The following TBXAS1 variants were observed in gnomAD, a reference collection of about 807,000 sequenced individuals.
The protein encoded by TBXAS1 is thromboxane A synthase 1.
TBXAS1 carries 48 observed loss-of-function variants against 60.7 expected under a neutral mutation model. The ratio of observed to expected loss-of-function variants is 0.79; its 90% confidence interval spans 0.63 to 1.01. The LOEUF is 1.01. Ranked by LOEUF, TBXAS1 falls within the 50% of genes least tolerant of loss-of-function variation. The pLI is 0.00. For synonymous variants in TBXAS1, 287 were observed against 269.7 expected, an observed-to-expected ratio of 1.06 and a Z score of -0.63; for missense variants, 685 against 686.3, an observed-to-expected ratio of 1.00 and a Z score of 0.02.
At chr7:140,010,988 A>AG (rs1020721939) in intron 10 of TBXAS1, among the ~76,000 whole-genome samples, 1 of 151,866 alleles carries the variant, frequency 6.6e-6, no homozygotes, top group Admixed American at 6.6e-5. Flanking sequence ...AAAAAAAAAA[A>AG]CAGTCCCGGC....
intron 5 of TBXAS1, among the ~76,000 whole-genome samples, chr7:139,948,216 T>C (rs1002342609): frequency 6.6e-6 from 1 of 152,144 alleles, no homozygotes; most frequent in Non-Finnish European, 1.5e-5. Flanking sequence ...CGTTGTTGGT[T>C]TCCAGGGAGG....
rs566944360 is a variant in TBXAS1, at chr7:139,779,600, C to T, written c.-318+1129C>T. Among the ~76,000 whole-genome samples, 5 of 152,226 alleles carry T rather than the reference C, an allele frequency of 3.3e-5. No homozygotes were observed. The South Asian group carries it at 1.0e-3, about 32-fold the overall frequency. Reference sequence around the variant, plus strand: ...CACTCTAGTGTTTTTTGCTCCACACCGGTCATTTATCTCCTTCCCTTCTAT... The same window carrying T: ...CACTCTAGTGTTTTTTGCTCCACACTGGTCATTTATCTCCTTCCCTTCTAT... On this transcript the variant is annotated intron_variant, in intron 1 of 16. Transcript: ENST00000336425.
intron 3 of TBXAS1, among the ~76,000 whole-genome samples, chr7:139,784,239 TCTTC>T (rs779302310): frequency 1.7e-3 from 251 of 147,318 alleles, no homozygotes; most frequent in South Asian, 8.5e-3. Context: ...TCTCTCTCTC[TCTTC>T]CTTCCTTCCT....
intron 9 of TBXAS1, among the ~76,000 whole-genome samples, chr7:139,981,466 T>C (rs1360224229): frequency 1.3e-5 from 2 of 152,208 alleles, no homozygotes; most frequent in Non-Finnish European, 2.9e-5. Context: ...AGCTGTGCTG[T>C]GGAAAAGTGA....
At chr7:139,779,433 A>T (rs1796905964) in intron 1 of TBXAS1, among the ~76,000 whole-genome samples, 1 of 152,164 alleles carries the variant, frequency 6.6e-6, no homozygotes, top group African/African-American at 2.4e-5. Context: ...GCAGAATCCT[A>T]GACTACTGTT....
At chr7:139,787,350 G>T (rs1797231885) in exon 4 of TBXAS1, 1 of 152,294 alleles carries the variant, frequency 6.6e-6, no homozygotes, top group East Asian at 1.9e-4. Context: ...GACATATACT[G>T]CCTGGACTGC....
At chr7:139,817,531 A>T (rs1798182430) in intron 4 of TBXAS1, among the ~76,000 whole-genome samples, 1 of 152,214 alleles carries the variant, frequency 6.6e-6, no homozygotes, top group Non-Finnish European at 1.5e-5. Flanking sequence ...ATAAGCAAGT[A>T]AAATTAGAGC....
rs533383226 is a variant in TBXAS1, at chr7:139,972,552, C to CT, written c.1134+10328dup. Among the ~76,000 whole-genome samples, 542 of 151,476 alleles carry CT rather than the reference C, an allele frequency of 3.6e-3. 3 individuals carry two copies. Among genetic ancestry groups the CT allele is most frequent in the African/African-American group, 0.012 (507 of 41,304 alleles). ...CTCTTGAAATAAAAGAATAAACATACTTTTTTTTTAACTTCCCCAGACTCT... is the reference window on the plus strand; with the variant it reads ...CTCTTGAAATAAAAGAATAAACATACTTTTTTTTTTAACTTCCCCAGACTCT... On this transcript the variant is annotated intron_variant, in intron 9 of 12. Transcript: ENST00000448866.
chr7:139,977,424 T>C (rs560863792), intron 9 of TBXAS1, among the ~76,000 whole-genome samples: 1 of 152,270 alleles, frequency 6.6e-6, no homozygotes, highest in East Asian at 1.9e-4. Flanking sequence ...CTCGCCCCCA[T>C]GATTCAATTA....
intron 1 of TBXAS1, among the ~76,000 whole-genome samples, chr7:139,846,417 C>T (rs561990284): frequency 1.6e-4 from 25 of 152,092 alleles, no homozygotes; most frequent in African/African-American, 3.6e-4. Context: ...AATAGGGATA[C>T]TAATAGTACC....
intron 7 of TBXAS1, among the ~76,000 whole-genome samples, chr7:139,956,389 G>A (rs6958975): frequency 0.85 from 128,936 of 152,156 alleles, 54,801 homozygotes; most frequent in Middle Eastern, 0.89. Context: ...CAGGTGATCC[G>A]CCCACCTTGG....
chr7:139,911,359 A>C (rs1045150072), intron 4 of TBXAS1, 38 bp downstream of exon 4: 2 of 1,559,066 alleles, frequency 1.3e-6, no homozygotes, highest in Non-Finnish European at 1.8e-6. Context: ...TGGATGGGGA[A>C]TTGTTCTCAG....
intron 3 of TBXAS1, among the ~76,000 whole-genome samples, chr7:139,882,597 C>G (rs1315027240): frequency 6.6e-6 from 1 of 152,138 alleles, no homozygotes; most frequent in Non-Finnish European, 1.5e-5. Context: ...TGGCTCAATT[C>G]TAAGAGGAAT....
chr7:139,878,000 G>A (rs1303272899), intron 3 of TBXAS1, among the ~76,000 whole-genome samples: 2 of 152,030 alleles, frequency 1.3e-5, no homozygotes, highest in African/African-American at 4.8e-5. Flanking sequence ...CTTTTCTTGA[G>A]TGTTTCTTGT....
chr7:139,832,179 G>C (rs557828074), intron 1 of TBXAS1, among the ~76,000 whole-genome samples: 2 of 152,316 alleles, frequency 1.3e-5, no homozygotes, highest in South Asian at 4.1e-4. Context: ...CCCAACTGCG[G>C]AAGTGGGAAA....
In TBXAS1 at chr7:139,896,312, A is replaced by C. The variant is rs887949390; in HGVS notation, c.237-14913A>C. On this transcript the variant is annotated intron_variant, in intron 3 of 12. Coordinates refer to ENST00000448866, the MANE Select transcript of TBXAS1 (RefSeq NM_001061.7). This position sits in a 1 kb window ranked among gnomAD's most constrained non-coding sequence, Gnocchi z 4.0. ...CCATGAAGCCTTCACAAAGAGGGGC[A>C]GGTGACCCGACTGTCTGAAGTTTTC... 1.3e-5 allele frequency among the ~76,000 whole-genome samples: 2 copies of C among 152,246 alleles called. No homozygotes were observed. Among genetic ancestry groups the C allele is most frequent in the African/African-American group, 4.8e-5 (2 of 41,464 alleles).
At chr7:139,822,067 G>A (rs1190452129) in intron 4 of TBXAS1, among the ~76,000 whole-genome samples, 1 of 152,166 alleles carries the variant, frequency 6.6e-6, no homozygotes, top group East Asian at 1.9e-4. Flanking sequence ...AGGCAGTGTG[G>A]ACAGTTATCA....
rs75007638 is a variant in TBXAS1, at chr7:139,991,985, C to T, written c.1135-15106C>T. Among the ~76,000 whole-genome samples the T allele has an allele frequency of 4.0e-4, 61 of 152,306 alleles. 1 individual carries two copies. In the East Asian group the frequency reaches 9.7e-3, roughly 24 times the overall value. ...ATGGGTCTCACTTGCAGGGGAGCCT[C>T]GTGGGAATCCCTCATATGGGAAGAA... On this transcript the variant is annotated intron_variant, in intron 9 of 12. Transcript: ENST00000448866.
At chr7:139,858,385 C>A (rs140259308) in intron 1 of TBXAS1, among the ~76,000 whole-genome samples, 3 of 152,130 alleles carry the variant, frequency 2.0e-5, no homozygotes, top group Non-Finnish European at 4.4e-5. Context: ...GACCATTTAT[C>A]GTTTTTTAAG....
Sources: gnomAD v4.1 joint callset for allele counts (sites outside exome capture counted in the v4.1 genomes callset) on GRCh38, gnomAD v4.1.1 for gene constraint, Gnocchi (gnomAD v3.1) non-coding constraint, MANE v1.5 for transcripts, NCBI Gene and HGNC (gene_info 2026-07-23, HGNC 2026-07-21) for gene names.